RPL31: variants seen among roughly 807,000 people sequenced by gnomAD.
The protein encoded by RPL31 is ribosomal protein L31, also known as large ribosomal subunit protein eL31.
For missense variants in RPL31, 95 were observed against 164.0 expected (o/e 0.58, Z 2.30); for synonymous variants, 51 against 55.0 (o/e 0.93, Z 0.32).
At chr2:101,011,751 C>G (rs898417704), downstream of RPL31, among the ~76,000 whole-genome samples, 2 of 152,150 alleles carry the variant, frequency 1.3e-5, no homozygotes, top group African/African-American at 4.8e-5. Flanking sequence ...TGTGCCTTTT[C>G]CCAGAGGTAT....
intron 4 of RPL31, among the ~76,000 whole-genome samples, chr2:101,017,374 T>TA (rs1405364780): frequency 6.6e-6 from 1 of 152,200 alleles, no homozygotes; most frequent in East Asian, 1.9e-4. Flanking sequence ...TATTAGGTGT[T>TA]ACATGTAATT....
intron 4 of RPL31, among the ~76,000 whole-genome samples, chr2:101,014,541 T>C (rs923677893): frequency 1.3e-5 from 2 of 152,262 alleles, no homozygotes; most frequent in East Asian, 3.8e-4. Flanking sequence ...TGACTGTTTT[T>C]TCCCTGAGGG....
In RPL31 at chr2:101,014,812, AAGAT is replaced by A. The variant is rs545834034; in HGVS notation, c.347-4183_347-4180del. ...AAGCCTGACCAAAAAGTGAAGAATCAAGATAGTGGGTATAACTTGAGTGCCAAAC... is the reference window on the plus strand; with the variant it reads ...AAGCCTGACCAAAAAGTGAAGAATCAAGTGGGTATAACTTGAGTGCCAAAC... On this transcript the variant is annotated intron_variant, in intron 4 of 4. Coordinates refer to the RPL31 transcript ENST00000409028. 7.2e-5 allele frequency among the ~76,000 whole-genome samples: 11 copies of A among 152,328 alleles called. No individual in the cohort carries two copies. The East Asian group carries it at 2.1e-3, about 29-fold the overall frequency.
intron 4 of RPL31, chr2:101,018,199 A>G (rs1401597287): frequency 6.0e-6 from 2 of 335,524 alleles, no homozygotes; most frequent in South Asian, 7.0e-5. Context: ...AATTCAAATT[A>G]TAACACTGAC....
At chr2:101,002,634 G>A in intron 1 of RPL31, 68 bp from the exon 2 acceptor site, 2 of 1,297,036 alleles carry the variant, frequency 1.5e-6, no homozygotes, top group Non-Finnish European at 2.2e-6. Context: ...ACAGCGTGAG[G>A]CTGGGAGGGA....
At chr2:101,003,929 G>GT (rs1349275352) in intron 2 of RPL31, among the ~76,000 whole-genome samples, 1 of 152,216 alleles carries the variant, frequency 6.6e-6, no homozygotes, top group Non-Finnish European at 1.5e-5. Flanking sequence ...TTACTGCCTA[G>GT]TTTAAGGGTT....
At position 101,002,756 on chromosome 2, in the gene RPL31, G is replaced by C; in HGVS notation, c.55G>C (p.Glu19Gln). 1 of 1,614,156 alleles carries C rather than the reference G, an allele frequency of 6.2e-7. No homozygotes were observed. The highest frequency in any genetic ancestry group is 8.5e-7 in the Non-Finnish European group (1 of 1,180,014). ...GAAAAAGGGCCGTTCTGCCATCAAC[G>C]AAGTGGTAACCCGAGAATACACCAT... is the stretch of plus-strand genomic sequence containing the variant. ...EKKKGRSAINEVVTREYTINI... is the reference protein window; with the variant it reads ...EKKKGRSAINQVVTREYTINI... The change falls in exon 2 of 5, where the codon GAA (glutamate) becomes CAA (glutamine). Residue 19 changes from glutamate (E) to glutamine (Q), a missense_variant. Glu to Gln is a conservative substitution (Grantham distance 29). Coordinates refer to ENST00000264258, the MANE Select transcript of RPL31 (RefSeq NM_000993.5).
chr2:101,011,076 A>G, downstream of RPL31: 1 of 1,572,978 alleles, frequency 6.4e-7, no homozygotes, highest in Middle Eastern at 1.7e-4. Context: ...AAATTCAGTG[A>G]CAGCAAAAAG....
downstream of RPL31, among the ~76,000 whole-genome samples, chr2:101,009,483 T>G (rs1004349934): frequency 6.6e-6 from 1 of 152,036 alleles, no homozygotes; most frequent in Non-Finnish European, 1.5e-5. Flanking sequence ...TCCATGGTTA[T>G]TCTGAAAGGA....
At chr2:101,012,681 G>T (rs533004155) in intron 4 of RPL31, among the ~76,000 whole-genome samples, 1 of 151,822 alleles carries the variant, frequency 6.6e-6, no homozygotes, top group Non-Finnish European at 1.5e-5. Flanking sequence ...TGCATGGTGC[G>T]TGAAATATAT....
At chr2:101,012,430 G>T (rs1229848909) in intron 4 of RPL31, among the ~76,000 whole-genome samples, 2 of 152,226 alleles carry the variant, frequency 1.3e-5, no homozygotes, top group African/African-American at 2.4e-5. Context: ...TGCTAGGTGA[G>T]AGAAGTCGAA....
chr2:101,002,677 G>T, intron 1 of RPL31, 25 bp from the exon 2 acceptor site: 1 of 1,579,950 alleles, frequency 6.3e-7, no homozygotes, highest in Non-Finnish European at 8.7e-7. Flanking sequence ...ACTCTGCTCT[G>T]AGCCTCCTTG....
chr2:101,011,161 G>A, downstream of RPL31: 1 of 870,906 alleles, frequency 1.1e-6, no homozygotes, highest in South Asian at 1.7e-5. Context: ...TGGAAAGCAA[G>A]AGATTCCCCT....
chr2:101,003,844 G>A (rs1678627133), intron 2 of RPL31, among the ~76,000 whole-genome samples: 1 of 152,208 alleles, frequency 6.6e-6, no homozygotes, highest in South Asian at 2.1e-4. Context: ...ACTTCAGAAA[G>A]TGGATTATGC....
chr2:101,018,742 T>C (rs112295894), intron 4 of RPL31, among the ~76,000 whole-genome samples: 22 of 152,294 alleles, frequency 1.4e-4, no homozygotes, highest in African/African-American at 5.3e-4. Flanking sequence ...AACCTCCAAA[T>C]TGTCTCATTT....
rs775393448 is a variant in RPL31 at position 101,006,119 on chromosome 2, C to G, written c.346+48C>G. 3.8e-6 allele frequency: 6 copies of G among 1,591,402 alleles called. No homozygotes were observed. In the South Asian group the frequency reaches 5.7e-5, roughly 15 times the overall value. ...CCATTTAAATTCATTAGAAAAATGT[C>G]CTTACCTCTTAAAATGTGAATTCAT... On this transcript the variant is annotated intron_variant, in intron 4 of 4. Transcript: ENST00000264258.
At position 101,006,490 on chromosome 2, in the gene RPL31, G is replaced by A; in HGVS notation, c.*109G>A. On this transcript the variant is annotated 3_prime_UTR_variant, in exon 5 of 5. Transcript: ENST00000264258. The stretch of plus-strand genomic sequence containing the variant: ...CCCTATCCTAATTATGGGATCATTT[G>A]AAGAGCTTTTCCCAAATTGATGGCC... 1 of 1,118,560 alleles carries A rather than the reference G, an allele frequency of 8.9e-7. No homozygotes were observed. Among genetic ancestry groups the A allele is most frequent in the Non-Finnish European group, 1.2e-6 (1 of 800,756 alleles). The allele number at this position is 1,118,560 out of a possible 1,614,324, so 69.3% of individuals were successfully genotyped here. A position where few individuals can be genotyped will look rare whatever the true frequency, so the allele number is the denominator to read the frequency against.
chr2:101,013,964 C>G (rs1365110302), intron 4 of RPL31, among the ~76,000 whole-genome samples: 1 of 152,196 alleles, frequency 6.6e-6, no homozygotes, highest in African/African-American at 2.4e-5. Flanking sequence ...TTGGATTAAT[C>G]AGAAATTCCA....
downstream of RPL31, among the ~76,000 whole-genome samples, chr2:101,008,812 A>T (rs879438679): frequency 4.5e-4 from 39 of 87,208 alleles, no homozygotes; most frequent in Non-Finnish European, 7.7e-4. Flanking sequence ...ACTTTGTCTT[A>T]AAAAAAAAAA....
Sources: allele counts gnomAD v4.1 joint callset (sites outside exome capture counted in the v4.1 genomes callset), GRCh38; gene constraint gnomAD v4.1.1; transcripts MANE v1.5; gene names NCBI Gene and HGNC (gene_info 2026-07-23, HGNC 2026-07-21).